The following GLIS3 variants were observed in gnomAD, a reference collection of about 807,000 sequenced individuals.
GLIS3 encodes GLIS family zinc finger 3.
GLIS3 carries 53 observed loss-of-function variants against 78.6 expected under a neutral mutation model. The ratio of observed to expected loss-of-function variants is 0.67; its 90% CI spans 0.54 to 0.85. The LOEUF (loss-of-function observed/expected upper bound fraction) is 0.85, where lower values mean the gene tolerates loss of function less well. Ranked by LOEUF, GLIS3 falls within the 40% of genes least tolerant of loss-of-function variation. GLIS3 has a pLI of 0.00. For missense variants in GLIS3, 1,703 were observed against 1,231.1 expected (o/e 1.38, Z -5.74); for synonymous variants, 684 against 509.9 (o/e 1.34, Z -4.60).
intron 2 of GLIS3, among the ~76,000 whole-genome samples, chr9:4,141,460 G>A (rs79344575): frequency 6.6e-6 from 1 of 152,178 alleles, no homozygotes. Context: ...CATCTCAGCA[G>A]TAACCTGAAG....
intron 2 of GLIS3, among the ~76,000 whole-genome samples, chr9:4,340,456 G>A (rs545876359): frequency 3.3e-5 from 5 of 152,230 alleles, no homozygotes; most frequent in Admixed American, 2.6e-4. Flanking sequence ...CTTACCCAGT[G>A]TCTTTGGGGC....
intron 2 of GLIS3, among the ~76,000 whole-genome samples, chr9:4,219,873 A>ACC (rs1355336221): frequency 6.6e-6 from 1 of 152,070 alleles, no homozygotes; most frequent in Non-Finnish European, 1.5e-5. Context: ...AAGCAATGAC[A>ACC]CCTTAGTAGC....
intron 2 of GLIS3, among the ~76,000 whole-genome samples, chr9:4,320,462 G>A (rs903480920): frequency 2.6e-5 from 4 of 151,960 alleles, no homozygotes; most frequent in African/African-American, 9.7e-5. Context: ...AGAAACTTAG[G>A]GATTTATCCT....
intron 7 of GLIS3, among the ~76,000 whole-genome samples, chr9:3,885,338 C>A (rs1166124944): frequency 6.6e-6 from 1 of 152,164 alleles, no homozygotes; most frequent in African/African-American, 2.4e-5. Flanking sequence ...GGGAGGTTTA[C>A]CGGGCAGATC....
At chr9:3,846,845 C>G (rs1305293357) in intron 9 of GLIS3, among the ~76,000 whole-genome samples, 1 of 152,124 alleles carries the variant, frequency 6.6e-6, no homozygotes. Context: ...ATCCTATTTC[C>G]TCTGGGAAGA....
intron 8 of GLIS3, among the ~76,000 whole-genome samples, chr9:3,874,569 C>A (rs1362777649): frequency 1.3e-5 from 2 of 152,156 alleles, no homozygotes; most frequent in East Asian, 3.9e-4. Context: ...CCAGGTCTTG[C>A]AACTGGCATC....
intron 2 of GLIS3, among the ~76,000 whole-genome samples, chr9:4,172,967 A>T (rs1348751194): frequency 6.6e-6 from 1 of 152,096 alleles, no homozygotes; most frequent in African/African-American, 2.4e-5. Context: ...CAAATTCTGA[A>T]TTTTTTTGTA....
At chr9:4,420,528 G>A in the GLIS3 span, among the ~76,000 whole-genome samples, 39 of 152,170 alleles carry the variant, frequency 2.6e-4, no homozygotes, top group Non-Finnish European at 5.3e-4. Context: ...AAACTCGGGG[G>A]TAAGGCAGGT....
At chr9:4,469,438 C>G in the GLIS3 span, among the ~76,000 whole-genome samples, 1 of 152,188 alleles carries the variant, frequency 6.6e-6, no homozygotes, top group South Asian at 2.1e-4. Context: ...CAAACTGTCT[C>G]TCAGACCACA....
the GLIS3 span, among the ~76,000 whole-genome samples, chr9:4,435,822 T>G: frequency 1.2e-3 from 176 of 152,054 alleles, no homozygotes; most frequent in Non-Finnish European, 1.9e-3. Context: ...GGTGGCAGGC[T>G]CCTGTAGTCC....
At chr9:4,114,343 G>A (rs1273973146) in intron 4 of GLIS3, among the ~76,000 whole-genome samples, 1 of 152,146 alleles carries the variant, frequency 6.6e-6, no homozygotes. Context: ...TATTGTTAGG[G>A]ATGATTAGTG....
chr9:4,192,011 C>T (rs1224729345), intron 2 of GLIS3, among the ~76,000 whole-genome samples: 3 of 152,006 alleles, frequency 2.0e-5, no homozygotes, highest in East Asian at 3.9e-4. Flanking sequence ...TATATCTTTA[C>T]ATTTGATTCT....
Position 4,022,997 on chromosome 9 carries a change from T to C in GLIS3, c.1711-85808A>G, listed in dbSNP as rs1823011195. Among the ~76,000 whole-genome samples, 3 of 152,200 alleles carry C rather than the reference T, an allele frequency of 2.0e-5. No homozygotes were observed. In the South Asian group the frequency reaches 6.2e-4, roughly 31 times the overall value. ...CTCTCTGTTGTCTTGTTTATGGTGG[T>C]GATTTCACGGAGGTACACAGCTGCA... On this transcript the variant is annotated intron_variant, in intron 4 of 10. Coordinates refer to ENST00000381971, the MANE Select transcript of GLIS3 (RefSeq NM_001042413.2).
In GLIS3 at chr9:3,937,880, C is replaced by CT. The variant is rs983795028; in HGVS notation, c.1711-692dup. 7.2e-5 allele frequency among the ~76,000 whole-genome samples: 11 copies of CT among 152,184 alleles called. No individual in the cohort carries two copies. In the East Asian group the frequency reaches 1.2e-3, roughly 16 times the overall value. The stretch of plus-strand genomic sequence containing the variant: ...CAAAAAAGTACCGTAATACTTTAAT[C>CT]TTTTTTTACTTTTTAGACATTTCAT... On this transcript the variant is annotated intron_variant, in intron 4 of 10. Coordinates refer to ENST00000381971, the MANE Select transcript of GLIS3 (RefSeq NM_001042413.2).
At chr9:4,096,526 T>C (rs534706792) in intron 4 of GLIS3, among the ~76,000 whole-genome samples, 2 of 152,332 alleles carry the variant, frequency 1.3e-5, no homozygotes, top group South Asian at 4.1e-4. Flanking sequence ...GAGTCCTTAC[T>C]GAATTTACTT....
At chr9:4,321,836 G>T (rs552881153) in intron 2 of GLIS3, among the ~76,000 whole-genome samples, 2 of 151,990 alleles carry the variant, frequency 1.3e-5, no homozygotes, top group Admixed American at 1.3e-4. Context: ...ACCCTCCCGA[G>T]TAGCTGGGAT....
chr9:4,072,156 C>A (rs1340090786), intron 4 of GLIS3, among the ~76,000 whole-genome samples: 1 of 152,156 alleles, frequency 6.6e-6, no homozygotes. Flanking sequence ...TGTATTTTGT[C>A]TTAGGGGTCT....
intron 2 of GLIS3, among the ~76,000 whole-genome samples, chr9:4,187,403 G>C (rs1817906586): frequency 6.6e-6 from 1 of 152,188 alleles, no homozygotes. Flanking sequence ...CTGTAGCCTT[G>C]TAGTATAGTT....
chr9:4,457,793 T>G, the GLIS3 span, among the ~76,000 whole-genome samples: 2 of 148,242 alleles, frequency 1.3e-5, no homozygotes, highest in African/African-American at 5.0e-5. Flanking sequence ...GAGGTTGCAG[T>G]GAGCTGAGAT....
Sources: allele counts gnomAD v4.1 joint callset (sites outside exome capture counted in the v4.1 genomes callset), GRCh38; gene constraint gnomAD v4.1.1; transcripts MANE v1.5; gene names NCBI Gene and HGNC (gene_info 2026-07-23, HGNC 2026-07-21).